SLCO1B1: variants seen among roughly 807,000 people sequenced by gnomAD.
SLCO1B1 encodes OATP-2.
In SLCO1B1, 81 loss-of-function variants were observed where a neutral mutation model predicts 70.1. The ratio of observed to expected loss-of-function variants is 1.16; its 90% CI spans 0.97 to 1.39. SLCO1B1 has a LOEUF of 1.39. Ranked by LOEUF, SLCO1B1 falls within the 40% of genes most tolerant of loss-of-function variation. The pLI, the probability that SLCO1B1 is intolerant of heterozygous loss-of-function variation, is 0.00. For synonymous variants in SLCO1B1, 283 were observed against 271.5 expected (o/e 1.04, Z -0.42); for missense variants, 895 against 799.6 (o/e 1.12, Z -1.44).
At chr12:21,151,314 A>G (rs1940467937) in intron 2 of SLCO1B1, among the ~76,000 whole-genome samples, 1 of 152,202 alleles carries the variant, frequency 6.6e-6, no homozygotes, top group South Asian at 2.1e-4. Context: ...AGTATCTACC[A>G]TAGCGGTTGG....
rs1940664418 is a variant in SLCO1B1 at position 21,164,786 on chromosome 12, T to A, written c.85-7864T>A. ...ATCAACTGAAGACTTAGCCCCAATG[T>A]CAACACATCTTTAAGAACTTTAACC... is the stretch of plus-strand genomic sequence containing the variant. On this transcript the variant is annotated intron_variant, in intron 2 of 14. Coordinates refer to ENST00000256958, the MANE Select transcript of SLCO1B1 (RefSeq NM_006446.5). 3 of 473,274 alleles carry A rather than the reference T, an allele frequency of 6.3e-6. No individual in the cohort carries two copies. The Admixed American group carries it at 6.8e-5, about 11-fold the overall frequency. 29.3% of individuals were successfully genotyped at this position (473,274 alleles called of 1,614,324 possible). A position where few individuals can be genotyped will look rare whatever the true frequency, so the allele number is the denominator to read the frequency against.
At chr12:21,161,436 A>C (rs2121078324) in intron 2 of SLCO1B1, among the ~76,000 whole-genome samples, 1 of 152,330 alleles carries the variant, frequency 6.6e-6, no homozygotes, top group East Asian at 1.9e-4. Context: ...TCATGTTCTC[A>C]CTTATAAGTG....
At chr12:21,162,589 C>T (rs572601351) in intron 2 of SLCO1B1, among the ~76,000 whole-genome samples, 120 of 152,214 alleles carry the variant, frequency 7.9e-4, no homozygotes, top group African/African-American at 2.8e-3. Flanking sequence ...CAGCAGTGTA[C>T]CACAGATAAA....
In SLCO1B1 at chr12:21,147,697, G is replaced by A. The variant is rs112557506; in HGVS notation, c.84+6039G>A. 9.2e-5 allele frequency among the ~76,000 whole-genome samples: 14 copies of A among 152,214 alleles called. 1 individual carries two copies. Among genetic ancestry groups the A allele is most frequent in the Admixed American group, 3.3e-4 (5 of 15,292 alleles). ...CATTCAATTATTGATGGGCATTTGG[G>A]TTGGTTCCAAGTCTTTGCTATTGTG... is the stretch of plus-strand genomic sequence containing the variant. On this transcript the variant is annotated intron_variant, in intron 2 of 14. Coordinates refer to ENST00000256958, the MANE Select transcript of SLCO1B1 (RefSeq NM_006446.5).
At position 21,217,284 on chromosome 12, in the gene SLCO1B1, C is replaced by T. The variant is rs2121180085; in HGVS notation, c.1663C>T (p.His555Tyr). 8 of 1,613,650 alleles carry T rather than the reference C, an allele frequency of 5.0e-6. No homozygotes were observed. Among genetic ancestry groups the T allele is most frequent in the Non-Finnish European group, 6.8e-6 (8 of 1,179,664 alleles). The change falls in exon 12 of 15, where the codon CAT (histidine) becomes TAT (tyrosine). Residue 555 changes from histidine to tyrosine, a missense_variant. His to Tyr is a moderately conservative substitution (Grantham distance 83). Transcript: ENST00000256958. ...TTTCTCTGCACTTGGAGGCACCTCA[C>T]ATGTCATGCTGATTGTTAAGTAAGT... The part of the protein sequence containing the change: ...LFFSALGGTS[H>Y]VMLIVKIVQP...
At chr12:21,173,622 A>G (rs1422444831) in intron 3 of SLCO1B1, among the ~76,000 whole-genome samples, 1 of 124,958 alleles carries the variant, frequency 8.0e-6, no homozygotes, top group African/African-American at 3.5e-5. Context: ...AATTTTTTAT[A>G]AAGTAAAAAA....
intron 7 of SLCO1B1, among the ~76,000 whole-genome samples, chr12:21,182,484 G>A (rs147642403): frequency 1.2e-4 from 18 of 152,254 alleles, no homozygotes; most frequent in Non-Finnish European, 2.2e-4. Context: ...AAGAGACAGC[G>A]GGGCCAACTT....
intron 2 of SLCO1B1, among the ~76,000 whole-genome samples, chr12:21,148,166 C>T (rs533665706): frequency 6.6e-6 from 1 of 152,230 alleles, no homozygotes; most frequent in East Asian, 1.9e-4. Context: ...GTTGCCTGTT[C>T]ACTCTGATGA....
At chr12:21,179,231 GA>G in intron 7 of SLCO1B1, among the ~76,000 whole-genome samples, 1 of 152,224 alleles carries the variant, frequency 6.6e-6, no homozygotes, top group East Asian at 1.9e-4. Context: ...TGTAAAATGA[GA>G]GAATGTAAAC....
chr12:21,176,722 A>G, intron 4 of SLCO1B1, 54 bp from the exon 5 acceptor site: 1 of 1,356,580 alleles, frequency 7.4e-7, no homozygotes, highest in Non-Finnish European at 1.0e-6. Flanking sequence ...TTCTAGGAAA[A>G]GTGAAAATAT....
At chr12:21,223,207 C>T (rs567373379) in intron 13 of SLCO1B1, among the ~76,000 whole-genome samples, 14 of 152,190 alleles carry the variant, frequency 9.2e-5, no homozygotes, top group African/African-American at 3.1e-4. Flanking sequence ...ATGAGTTTCA[C>T]CATTCTAATT....
At chr12:21,232,130 A>G (rs1023356163) in intron 14 of SLCO1B1, among the ~76,000 whole-genome samples, 7 of 152,212 alleles carry the variant, frequency 4.6e-5, no homozygotes, top group Non-Finnish European at 7.3e-5. Context: ...AACAAATGGA[A>G]AAAGCCACAA....
chr12:21,135,953 GTT>G (rs1161942014), intron 1 of SLCO1B1, among the ~76,000 whole-genome samples: 3 of 152,186 alleles, frequency 2.0e-5, no homozygotes, highest in Admixed American at 6.5e-5. Flanking sequence ...AATTTGGCAT[GTT>G]TTTGCAGTGG....
intron 11 of SLCO1B1, among the ~76,000 whole-genome samples, chr12:21,214,643 C>T (rs1482094144): frequency 2.6e-5 from 4 of 151,092 alleles, no homozygotes; most frequent in Non-Finnish European, 4.4e-5. Context: ...TGGGCAATGG[C>T]GGGCGCCCCT....
rs1298675209 is a variant in SLCO1B1, at chr12:21,197,006, T to A, written c.788T>A (p.Leu263His). 1 of 1,613,610 alleles carries A rather than the reference T, an allele frequency of 6.2e-7. No individual in the cohort carries two copies. Among genetic ancestry groups the A allele is most frequent in the Admixed American group, 1.7e-5 (1 of 59,978 alleles). ...GTTGGAGCTTGGTGGCTTAATTTCC[T>A]TGTGTCTGGACTATTCTCCATTATT... is the stretch of plus-strand genomic sequence containing the variant. ...RWVGAWWLNF[L>H]VSGLFSIISS... is the part of the protein sequence containing the mutation. The change falls in exon 8 of 15, where the codon CTT becomes CAT. Residue 263 changes from leucine to histidine, a missense_variant. Transcript: ENST00000256958.
intron 14 of SLCO1B1, among the ~76,000 whole-genome samples, chr12:21,226,705 A>C (rs1250155164): frequency 6.6e-6 from 1 of 152,120 alleles, no homozygotes; most frequent in Non-Finnish European, 1.5e-5. Flanking sequence ...AGCAAACTCT[A>C]ATCTAAAATA....
rs1195035212 is a variant in SLCO1B1 at position 21,141,509 on chromosome 12, A to G, written c.-61-5A>G. The G allele has an allele frequency of 1.1e-6, 1 of 911,332 alleles. No homozygotes were observed. The highest frequency in any genetic ancestry group is 1.6e-5 in the African/African-American group (1 of 61,364). The allele number at this position is 911,332 out of a possible 1,614,324, so 56.5% of individuals were successfully genotyped here. ...AAATAAACTATACTTTTTCTTCCTTAATAGGTGATTGTTTCAAACTGAGCA... is the reference window on the plus strand; with the variant it reads ...AAATAAACTATACTTTTTCTTCCTTGATAGGTGATTGTTTCAAACTGAGCA... On this transcript the variant is annotated splice_polypyrimidine_tract_variant and splice_region_variant and intron_variant, in intron 1 of 14. Transcript: ENST00000256958.
At chr12:21,203,758 A>G (rs916171768) in intron 10 of SLCO1B1, among the ~76,000 whole-genome samples, 1 of 152,064 alleles carries the variant, frequency 6.6e-6, no homozygotes, top group Non-Finnish European at 1.5e-5. Context: ...AAAGAACCTT[A>G]GAGATGATGC....
intron 5 of SLCO1B1, 32 bp from the exon 6 acceptor site, chr12:21,178,544 G>A (rs1940849560): frequency 2.0e-6 from 3 of 1,501,746 alleles, no homozygotes; most frequent in African/African-American, 2.7e-5. Context: ...TAAAATTAAT[G>A]TTTAAAATGA....
Sources: gnomAD v4.1 joint callset for allele counts (sites outside exome capture counted in the v4.1 genomes callset) on GRCh38, gnomAD v4.1.1 for gene constraint, MANE v1.5 for transcripts, NCBI Gene and HGNC (gene_info 2026-07-23, HGNC 2026-07-21) for gene names.